DBN1: variants seen among roughly 807,000 people sequenced by gnomAD.
The protein encoded by DBN1 is drebrin 1.
In DBN1, 21 loss-of-function variants were observed where a neutral mutation model predicts 83.5. The observed-to-expected ratio is 0.25, with a 90% CI of 0.18 to 0.36. DBN1 has a LOEUF of 0.36. Among genes scored for constraint, DBN1 ranks in the 10% least tolerant of loss-of-function variants. DBN1 has a pLI of 1.00. For synonymous variants in DBN1, 381 were observed against 384.9 expected (o/e 0.99, Z 0.12); for missense variants, 874 against 935.7 (o/e 0.93, Z 0.86).
chr5:177,461,299 C>T (rs1446152163), intron 8 of DBN1, among the ~76,000 whole-genome samples: 3 of 151,024 alleles, frequency 2.0e-5, no homozygotes, highest in South Asian at 4.2e-4. Context: ...AGGGTTTCAC[C>T]GTTTTAGCCG....
chr5:177,458,740 C>G (rs747913854), intron 12 of DBN1, 33 bp from the exon 13 acceptor site: 1 of 1,463,394 alleles, frequency 6.8e-7, no homozygotes, highest in Non-Finnish European at 9.0e-7. Flanking sequence ...GATATGTAAC[C>G]GGCTCCCCTC....
intron 10 of DBN1, among the ~76,000 whole-genome samples, chr5:177,459,994 A>G (rs1224312112): frequency 6.6e-6 from 1 of 152,186 alleles, no homozygotes; most frequent in Non-Finnish European, 1.5e-5. Flanking sequence ...ACCAGCAGAC[A>G]GGGCAGGGAA....
chr5:177,463,202 A>G (rs1044310615), intron 8 of DBN1, among the ~76,000 whole-genome samples: 2 of 151,982 alleles, frequency 1.3e-5, no homozygotes, highest in African/African-American at 4.8e-5. Flanking sequence ...ACGCTCGGCT[A>G]ATTTCTTGTA....
chr5:177,457,160 G>T lies in DBN1; in HGVS notation c.*273C>A, dbSNP rs111834617. On this transcript the variant is annotated 3_prime_UTR_variant, in exon 15 of 15. Transcript: ENST00000393565. ...GACTAAGAGCTACAATCTGGACCAGGGAAGGAGGGGTGGAATTTGCAACAG... is the reference window on the plus strand; with the variant it reads ...GACTAAGAGCTACAATCTGGACCAGTGAAGGAGGGGTGGAATTTGCAACAG... 9.7e-6 allele frequency: 5 copies of T among 514,908 alleles called. No homozygotes were observed. Among genetic ancestry groups the T allele is most frequent in the Non-Finnish European group, 1.7e-5 (5 of 286,530 alleles). 31.9% of individuals were successfully genotyped at this position (514,908 alleles called of 1,614,324 possible). A position where few individuals can be genotyped will look rare whatever the true frequency, so the allele number is the denominator to read the frequency against.
In DBN1 at chr5:177,457,510, C is replaced by G. The variant is rs1756594743; in HGVS notation, c.2018-7G>C. On this transcript the variant is annotated splice_region_variant and splice_polypyrimidine_tract_variant and intron_variant, in intron 14 of 14. Coordinates refer to ENST00000393565, the MANE Select transcript of DBN1 (RefSeq NM_001363541.2). ...CAGCATGTGATGTCGATCTCTGTGG[C>G]GTTAGAAAGGGAGAGGAGTTAGGGA... is the stretch of plus-strand genomic sequence containing the variant. The G allele has an allele frequency of 2.5e-6, 4 of 1,613,906 alleles. No homozygotes were observed. In the East Asian group the frequency reaches 6.7e-5, roughly 27 times the overall value.
At chr5:177,468,422 T>C in intron 2 of DBN1, 1 of 596,246 alleles carries the variant, frequency 1.7e-6, no homozygotes. Context: ...CTGTGACTCC[T>C]GCAGGGCCTG....
At position 177,467,401 on chromosome 5, in the gene DBN1, G is replaced by C; in HGVS notation, c.478-69C>G. ...GGAACCCCCGACACCTAAAGGGTGAGAGCTAAGAGGGACCGGGCAGGCCAG... is the reference window on the plus strand; with the variant it reads ...GGAACCCCCGACACCTAAAGGGTGACAGCTAAGAGGGACCGGGCAGGCCAG... On this transcript the variant is annotated intron_variant, in intron 5 of 14. Transcript: ENST00000393565. This position sits in a 1 kb window ranked among gnomAD's most constrained non-coding sequence, Gnocchi z 9.1. 3 of 1,613,572 alleles carry C rather than the reference G, an allele frequency of 1.9e-6. No individual in the cohort carries two copies. The South Asian group carries it at 3.3e-5, about 18-fold the overall frequency.
At chr5:177,459,890 A>T in intron 10 of DBN1, 150 bp from the exon 11 acceptor site, 2 of 866,142 alleles carry the variant, frequency 2.3e-6, no homozygotes, top group Non-Finnish European at 3.4e-6. Flanking sequence ...AGCCAGCCGC[A>T]GCCTCACACC....
Position 177,473,529 on chromosome 5 carries a change from G to C in DBN1, c.-8C>G. 7.1e-7 allele frequency: 1 copy of C among 1,399,268 alleles called. No individual in the cohort carries two copies. Among genetic ancestry groups the C allele is most frequent in the Non-Finnish European group, 9.4e-7 (1 of 1,066,884 alleles). The allele number at this position is 1,399,268 out of a possible 1,614,324, so 86.7% of individuals were successfully genotyped here. A position where few individuals can be genotyped will look rare whatever the true frequency, so the allele number is the denominator to read the frequency against. On this transcript the variant is annotated 5_prime_UTR_variant, in exon 1 of 15. Transcript: ENST00000393565. The stretch of plus-strand genomic sequence containing the variant: ...GAAGCTGACGCCGGCCATGCTTCGG[G>C]CCGGACCGGGCCGAACGGACAGACG...
At position 177,473,600 on chromosome 5, in the gene DBN1, TCGC is replaced by T. The variant is rs1418474857; in HGVS notation, c.-82_-80del. 11 of 630,142 alleles carry T rather than the reference TCGC, an allele frequency of 1.7e-5. No homozygotes were observed. Among genetic ancestry groups the T allele is most frequent in the South Asian group, 4.4e-5 (1 of 22,848 alleles). The allele number at this position is 630,142 out of a possible 1,614,324, so 39.0% of individuals were successfully genotyped here. On this transcript the variant is annotated 5_prime_UTR_variant, in exon 1 of 15. Coordinates refer to ENST00000393565, the MANE Select transcript of DBN1 (RefSeq NM_001363541.2). ...GAGGAGGAGGGAGGGAAAGAGGGAGTCGCCGCCGCCGCCTCGGAGCCTCTGCAG... is the reference window on the plus strand; with the variant it reads ...GAGGAGGAGGGAGGGAAAGAGGGAGTCGCCGCCGCCTCGGAGCCTCTGCAG...
At position 177,467,385 on chromosome 5, in the gene DBN1, G is replaced by A. The variant is rs558413738; in HGVS notation, c.478-53C>T. 24 of 1,613,442 alleles carry A rather than the reference G, an allele frequency of 1.5e-5. No homozygotes were observed. Among genetic ancestry groups the A allele is most frequent in the Middle Eastern group, 1.6e-4 (1 of 6,062 alleles). On this transcript the variant is annotated intron_variant, in intron 5 of 14. Transcript: ENST00000393565. The surrounding 1 kb of genome is among the most constrained non-coding windows in gnomAD (Gnocchi z 9.1). ...CAGGCTGAATGCCCCAGGAACCCCC[G>A]ACACCTAAAGGGTGAGAGCTAAGAG...
intron 10 of DBN1, among the ~76,000 whole-genome samples, chr5:177,460,186 CA>C (rs983515543): frequency 2.6e-4 from 40 of 152,350 alleles, no homozygotes; most frequent in Admixed American, 8.5e-4. Flanking sequence ...TGCCTCAGCC[CA>C]TGCCAGAGCT....
intron 8 of DBN1, 134 bp from the exon 9 acceptor site, chr5:177,460,837 T>C: frequency 3.4e-6 from 3 of 873,472 alleles, no homozygotes; most frequent in Non-Finnish European, 5.3e-6. Flanking sequence ...TGGGGAGCAG[T>C]GGTACAATCA....
At chr5:177,464,968 C>A (rs998497264) in intron 8 of DBN1, among the ~76,000 whole-genome samples, 2 of 152,058 alleles carry the variant, frequency 1.3e-5, no homozygotes, top group Non-Finnish European at 2.9e-5. Flanking sequence ...CCCTGGCTAA[C>A]ATGGTGAAAC....
intron 1 of DBN1, chr5:177,472,686 G>A (rs1323175359): frequency 4.6e-6 from 3 of 657,454 alleles, no homozygotes; most frequent in East Asian, 1.4e-4. Context: ...TCCTCCCAGG[G>A]ATCTCAGCTG....
In DBN1 at chr5:177,467,380, C is replaced by T; in HGVS notation, c.478-48G>A. 6.2e-7 allele frequency: 1 copy of T among 1,613,572 alleles called. No individual in the cohort carries two copies. Among genetic ancestry groups the T allele is most frequent in the Non-Finnish European group, 8.5e-7 (1 of 1,179,528 alleles). On this transcript the variant is annotated intron_variant, in intron 5 of 14. Coordinates refer to ENST00000393565, the MANE Select transcript of DBN1 (RefSeq NM_001363541.2). This position sits in a 1 kb window ranked among gnomAD's most constrained non-coding sequence, Gnocchi z 9.1. ...ATAAGCAGGCTGAATGCCCCAGGAACCCCCGACACCTAAAGGGTGAGAGCT... is the reference window on the plus strand; with the variant it reads ...ATAAGCAGGCTGAATGCCCCAGGAATCCCCGACACCTAAAGGGTGAGAGCT...
At chr5:177,457,790 A>AGT in intron 13 of DBN1, 33 bp from the exon 14 acceptor site, 1 of 1,395,044 alleles carries the variant, frequency 7.2e-7, no homozygotes, top group African/African-American at 1.4e-5. Flanking sequence ...ACTTGGCCCC[A>AGT]CCCAGCAGGA....
intron 1 of DBN1, among the ~76,000 whole-genome samples, chr5:177,470,369 G>C (rs1348729899): frequency 1.3e-4 from 20 of 152,284 alleles, no homozygotes; most frequent in Non-Finnish European, 7.4e-5. Flanking sequence ...GACTGCTGTA[G>C]ACATCAAGCC....
rs1286879561 is a variant in DBN1 at position 177,473,539 on chromosome 5, G to A, written c.-18C>T. On this transcript the variant is annotated 5_prime_UTR_variant, in exon 1 of 15. Coordinates refer to ENST00000393565, the MANE Select transcript of DBN1 (RefSeq NM_001363541.2). ...CCGGCCATGCTTCGGGCCGGACCGGGCCGAACGGACAGACGCGCGGACGGA... is the reference window on the plus strand; with the variant it reads ...CCGGCCATGCTTCGGGCCGGACCGGACCGAACGGACAGACGCGCGGACGGA... 2.2e-6 allele frequency: 3 copies of A among 1,366,666 alleles called. No individual in the cohort carries two copies. The highest frequency in any genetic ancestry group is 1.9e-6 in the Non-Finnish European group (2 of 1,048,546). The allele number at this position is 1,366,666 out of a possible 1,614,324, so 84.7% of individuals were successfully genotyped here. A position where few individuals can be genotyped will look rare whatever the true frequency, so the allele number is the denominator to read the frequency against.
Sources: allele counts gnomAD v4.1 joint callset (sites outside exome capture counted in the v4.1 genomes callset), GRCh38; gene constraint gnomAD v4.1.1; non-coding constraint Gnocchi (gnomAD v3.1); transcripts MANE v1.5; gene names NCBI Gene and HGNC (gene_info 2026-07-23, HGNC 2026-07-21).